Variants in ITSN1 observed in about 807,000 individuals in gnomAD.
The protein encoded by ITSN1 is intersectin 1.
ITSN1 carries 58 observed loss-of-function variants against 239.8 expected under a neutral mutation model. The observed-to-expected ratio is 0.24, with a 90% CI of 0.20 to 0.30. ITSN1 has a LOEUF of 0.30. Among genes scored for constraint, ITSN1 ranks in the 10% least tolerant of loss-of-function variants. The pLI is 1.00. For synonymous variants in ITSN1, 780 were observed against 770.8 expected (o/e 1.01, Z -0.20); for missense variants, 1,558 against 2,103.3 (o/e 0.74, Z 5.07).
intron 5 of ITSN1, chr21:33,735,449 A>G (rs2066439403): frequency 6.0e-6 from 3 of 498,630 alleles, no homozygotes; most frequent in South Asian, 2.4e-5. Flanking sequence ...GGGAAAAGGA[A>G]GAAACTTACA....
rs72389168 is a variant in ITSN1, at chr21:33,700,951, CTGTGTGTGTG to C, written c.-32-17816_-32-17807del. On this transcript the variant is annotated intron_variant, in intron 1 of 39. Transcript: ENST00000381318. ...AGTACATGTAGAAGATTTCTTTTTT[CTGTGTGTGTG>C]TGTGTGTGTGTGTGTGTGTGTGTGT... is the stretch of plus-strand genomic sequence containing the variant. Among the ~76,000 whole-genome samples, 78 of 141,852 alleles carry C rather than the reference CTGTGTGTGTG, an allele frequency of 5.5e-4. 3 individuals carry two copies. The South Asian group carries it at 0.013, about 24-fold the overall frequency. The allele number at this position is 141,852 out of a possible 152,430, so 93.1% of individuals were successfully genotyped here.
chr21:33,868,608 C>T (rs568008175), intron 33 of ITSN1, among the ~76,000 whole-genome samples: 4 of 152,198 alleles, frequency 2.6e-5, no homozygotes, highest in Non-Finnish European at 5.9e-5. Flanking sequence ...CCGGCTGCTC[C>T]GAGTGCGGGG....
intron 34 of ITSN1, among the ~76,000 whole-genome samples, chr21:33,878,008 T>TTGTGTG (rs71194867): frequency 0.058 from 8,058 of 139,970 alleles, 283 homozygotes; most frequent in South Asian, 0.12. Context: ...CTCTCTCTCT[T>TTGTGTG]TGTGTGTGTG....
In ITSN1 at chr21:33,785,709, C is replaced by G. The variant is rs562690883; in HGVS notation, c.1824+3576C>G. On this transcript the variant is annotated intron_variant, in intron 16 of 39. Coordinates refer to ENST00000381318, the MANE Select transcript of ITSN1 (RefSeq NM_003024.3). ...TGAAAACATAAGGCATACTTATAAT[C>G]GTGATCTTCTGTTAAATGGCTCCAT... Among the ~76,000 whole-genome samples, 42 of 152,282 alleles carry G rather than the reference C, an allele frequency of 2.8e-4. 1 individual carries two copies. The highest frequency in any genetic ancestry group is 9.9e-4 in the African/African-American group (41 of 41,566).
intron 1 of ITSN1, among the ~76,000 whole-genome samples, chr21:33,701,662 G>A (rs1300082162): frequency 2.6e-5 from 4 of 151,872 alleles, no homozygotes; most frequent in Non-Finnish European, 5.9e-5. Flanking sequence ...AAGTGTGGTG[G>A]CACGCACCTG....
chr21:33,832,983 C>T (rs2074382657), intron 27 of ITSN1, among the ~76,000 whole-genome samples: 2 of 152,028 alleles, frequency 1.3e-5, no homozygotes, highest in South Asian at 2.1e-4. Context: ...GTGGCTGTTT[C>T]GATCAGAGCC....
In ITSN1 at chr21:33,780,646, G is replaced by A. The variant is rs554326722; in HGVS notation, c.1597-815G>A. Among the ~76,000 whole-genome samples the A allele has an allele frequency of 3.7e-4, 56 of 152,124 alleles. No homozygotes were observed. The Middle Eastern group carries it at 0.01, about 28-fold the overall frequency. On this transcript the variant is annotated intron_variant, in intron 14 of 39. Coordinates refer to ENST00000381318, the MANE Select transcript of ITSN1 (RefSeq NM_003024.3). ...GCTTCTGATGAAAAATTTTAATTAA[G>A]GCATTTTTAGTTTTTCAAACAAAAA...
At chr21:33,773,610 T>C (rs1188978805) in intron 12 of ITSN1, among the ~76,000 whole-genome samples, 1 of 152,044 alleles carries the variant, frequency 6.6e-6, no homozygotes, top group East Asian at 1.9e-4. Context: ...TGGAGGCCAC[T>C]GCATTCCAGC....
At chr21:33,795,751 C>T (rs1418246488) in intron 17 of ITSN1, among the ~76,000 whole-genome samples, 1 of 151,990 alleles carries the variant, frequency 6.6e-6, no homozygotes, top group Non-Finnish European at 1.5e-5. Context: ...CCACACTGAA[C>T]TGTTAAATTC....
chr21:33,750,175 AC>A lies in ITSN1; in HGVS notation c.380del (p.Thr127LysfsTer20). 6.2e-7 allele frequency: 1 copy of A among 1,614,142 alleles called. No individual in the cohort carries two copies. The highest frequency in any genetic ancestry group is 8.5e-7 in the Non-Finnish European group (1 of 1,180,036). On this transcript the variant is annotated frameshift_variant, in exon 6 of 40. Transcript: ENST00000381318. LOFTEE classifies it high-confidence loss of function. ...AGGTATCGCCAGCATGCCACCGCTT[AC>A]AGCTGTTGCTCCAGTGCCAATGGGA... Reference protein sequence around the residue: ...MGGIASMPPLTAVAPVPMGSI... With the variant: ...MGGIASMPPLXAVAPVPMGSI...
intron 1 of ITSN1, among the ~76,000 whole-genome samples, chr21:33,679,146 C>T (rs1457261076): frequency 6.6e-6 from 1 of 152,070 alleles, no homozygotes; most frequent in Non-Finnish European, 1.5e-5. Context: ...AAGAGTGTTT[C>T]CCGAATCATA....
chr21:33,896,642 G>C lies in ITSN1; in HGVS notation c.*8342G>C, dbSNP rs893895832. 1 of 152,250 alleles carries C rather than the reference G, an allele frequency of 6.6e-6. No homozygotes were observed. The highest frequency in any genetic ancestry group is 1.5e-5 in the Non-Finnish European group (1 of 68,052). 9.4% of individuals were successfully genotyped at this position (152,250 alleles called of 1,614,324 possible). Reference sequence around the variant, plus strand: ...TGTATGGGGATGGTAGGAGAGAAAAGATCCCTCTGTGTAAGTAGCCTCAAG... The same window carrying C: ...TGTATGGGGATGGTAGGAGAGAAAACATCCCTCTGTGTAAGTAGCCTCAAG... On this transcript the variant is annotated 3_prime_UTR_variant, in exon 40 of 40. Transcript: ENST00000381318.
Position 33,882,112 on chromosome 21 carries a change from T to A in ITSN1, c.4342-131T>A. On this transcript the variant is annotated intron_variant, in intron 34 of 39. Transcript: ENST00000381318. The surrounding 1 kb of genome is among the most constrained non-coding windows in gnomAD (Gnocchi z 4.5). ...CTTTGATCTCTTGGCTCCAAAGTCT[T>A]CAAAGCTATCCTTGACTTTTGCCTG... The A allele has an allele frequency of 1.4e-6, 1 of 730,216 alleles. No individual in the cohort carries two copies. Among genetic ancestry groups the A allele is most frequent in the Non-Finnish European group, 2.2e-6 (1 of 448,038 alleles). The allele number at this position is 730,216 out of a possible 1,614,324, so 45.2% of individuals were successfully genotyped here.
chr21:33,738,410 A>G (rs562515966), intron 5 of ITSN1, among the ~76,000 whole-genome samples: 1 of 152,016 alleles, frequency 6.6e-6, no homozygotes, highest in Non-Finnish European at 1.5e-5. Flanking sequence ...GCTACCATTT[A>G]TCTAAAGGCG....
chr21:33,781,622 C>A, intron 15 of ITSN1, 74 bp downstream of exon 15: 1 of 878,986 alleles, frequency 1.1e-6, no homozygotes, highest in Non-Finnish European at 1.8e-6. Flanking sequence ...ACTCTGTCCC[C>A]CAGGCTGGAG....
intron 1 of ITSN1, among the ~76,000 whole-genome samples, chr21:33,698,092 A>C (rs536457882): frequency 1.3e-5 from 2 of 152,258 alleles, no homozygotes; most frequent in East Asian, 3.9e-4. Context: ...TAGCTCCCTG[A>C]TGAATTCTCT....
intron 1 of ITSN1, among the ~76,000 whole-genome samples, chr21:33,668,322 G>T (rs117547607): frequency 6.6e-6 from 1 of 152,198 alleles, no homozygotes; most frequent in Non-Finnish European, 1.5e-5. Context: ...CCCTAAGAGG[G>T]TCACATCACT....
At chr21:33,854,585 A>G (rs1266599609) in intron 29 of ITSN1, among the ~76,000 whole-genome samples, 1 of 152,228 alleles carries the variant, frequency 6.6e-6, no homozygotes. Flanking sequence ...CGGAGACATC[A>G]CTCAGCTTGC....
rs569097273 is a variant in ITSN1 at position 33,783,848 on chromosome 21, C to T, written c.1824+1715C>T. Among the ~76,000 whole-genome samples the T allele has an allele frequency of 8.3e-4, 126 of 152,224 alleles. 1 individual carries two copies. The highest frequency in any genetic ancestry group is 2.9e-3 in the African/African-American group (120 of 41,522). On this transcript the variant is annotated intron_variant, in intron 16 of 39. Transcript: ENST00000381318. ...TTCTTTTTCTAGAAATTTGACTCCC[C>T]TAAAAAAGGTTCAGGTATTAGAAAA...
Sources: gnomAD v4.1 joint callset for allele counts (sites outside exome capture counted in the v4.1 genomes callset) on GRCh38, gnomAD v4.1.1 for gene constraint, Gnocchi (gnomAD v3.1) non-coding constraint, MANE v1.5 for transcripts, NCBI Gene and HGNC (gene_info 2026-07-23, HGNC 2026-07-21) for gene names.